The following RAB30 variants were observed in gnomAD, a reference collection of about 807,000 sequenced individuals.
The protein encoded by RAB30 is RAB30, member RAS oncogene family, also known as ras-related protein Rab-30.
Under a neutral mutation model 25.1 loss-of-function variants are expected in RAB30, and 9 were observed. That is an observed-to-expected ratio of 0.36 (90% CI 0.22 to 0.63). RAB30 has a LOEUF of 0.63. RAB30 is among the 20% of genes least tolerant of loss of function. The pLI is 0.69. For synonymous variants in RAB30, 77 were observed against 86.4 expected, an observed-to-expected ratio of 0.89 and a Z score of 0.60; for missense variants, 140 against 243.5, an observed-to-expected ratio of 0.58 and a Z score of 2.83.
intron 1 of RAB30, among the ~76,000 whole-genome samples, chr11:83,060,701 C>T (rs1270943115): frequency 6.6e-6 from 1 of 152,154 alleles, no homozygotes; most frequent in Admixed American, 6.6e-5. Context: ...GGCAAGGGTA[C>T]TGTGGTGGTT....
rs1278781199 is a variant in RAB30, at chr11:82,975,283, A to T, written c.*6882T>A. On this transcript the variant is annotated 3_prime_UTR_variant, in exon 5 of 5. Coordinates refer to ENST00000527633, the MANE Select transcript of RAB30 (RefSeq NM_001286060.2). ...TGCTAATGATTACATTCCAGAAAGCAATATGTTTAGCAGCTGTTTTTCAAA... is the reference window on the plus strand; with the variant it reads ...TGCTAATGATTACATTCCAGAAAGCTATATGTTTAGCAGCTGTTTTTCAAA... 1 of 152,216 alleles carries T rather than the reference A, an allele frequency of 6.6e-6. No individual in the cohort carries two copies. The highest frequency in any genetic ancestry group is 1.5e-5 in the Non-Finnish European group (1 of 68,012). 9.4% of individuals were successfully genotyped at this position (152,216 alleles called of 1,614,324 possible).
chr11:82,995,376 A>G (rs1430636966), intron 2 of RAB30, among the ~76,000 whole-genome samples: 1 of 152,192 alleles, frequency 6.6e-6, no homozygotes, highest in Non-Finnish European at 1.5e-5. Context: ...CTCAGATACA[A>G]AAGCTGTCAA....
chr11:83,006,918 A>G (rs1161668958), intron 1 of RAB30, among the ~76,000 whole-genome samples: 1 of 152,236 alleles, frequency 6.6e-6, no homozygotes, highest in Non-Finnish European at 1.5e-5. Flanking sequence ...TATCCACAGT[A>G]TGGCAGCCAA....
At chr11:83,065,057 C>A (rs955188763) in intron 1 of RAB30, among the ~76,000 whole-genome samples, 1 of 152,246 alleles carries the variant, frequency 6.6e-6, no homozygotes. Flanking sequence ...GTATGTCCCA[C>A]AATCTGGATT....
intron 1 of RAB30, among the ~76,000 whole-genome samples, chr11:83,016,106 C>G (rs1857430907): frequency 6.6e-6 from 1 of 152,156 alleles, no homozygotes; most frequent in South Asian, 2.1e-4. Flanking sequence ...CCACTGTACT[C>G]CAGCCTGGGC....
intron 1 of RAB30, among the ~76,000 whole-genome samples, chr11:83,030,950 G>A (rs1857843307): frequency 6.6e-6 from 1 of 152,244 alleles, no homozygotes; most frequent in South Asian, 2.1e-4. Flanking sequence ...GTTAAAATGA[G>A]ATTGTTAGGG....
At position 82,977,877 on chromosome 11, in the gene RAB30, T is replaced by C. The variant is rs575658818; in HGVS notation, c.*4288A>G. 5.9e-5 allele frequency: 9 copies of C among 152,314 alleles called. No homozygotes were observed. The highest frequency in any genetic ancestry group is 3.4e-3 in the Middle Eastern group (1 of 294). 9.4% of individuals were successfully genotyped at this position (152,314 alleles called of 1,614,324 possible). A position where few individuals can be genotyped will look rare whatever the true frequency, so the allele number is the denominator to read the frequency against. On this transcript the variant is annotated 3_prime_UTR_variant, in exon 5 of 5. Coordinates refer to ENST00000527633, the MANE Select transcript of RAB30 (RefSeq NM_001286060.2). ...TTACTCTAATGTTGCTATATTAATA[T>C]GTGTTTTGAAGGGATGATAATTTCT... is the stretch of plus-strand genomic sequence containing the variant.
At chr11:82,986,064 C>CT (rs1161882345) in intron 4 of RAB30, among the ~76,000 whole-genome samples, 4 of 152,066 alleles carry the variant, frequency 2.6e-5, no homozygotes, top group African/African-American at 9.7e-5. Flanking sequence ...TGAACACTGT[C>CT]TAAGTTTTTA....
At chr11:82,992,503 A>G (rs1039533020) in intron 3 of RAB30, 2 of 407,506 alleles carry the variant, frequency 4.9e-6, no homozygotes, top group African/African-American at 4.1e-5. Context: ...GCTGAAGAGC[A>G]TTATGGAGCT....
intron 4 of RAB30, among the ~76,000 whole-genome samples, chr11:82,983,473 CAGGCTGGAGGGCAG>C (rs1308364268): frequency 6.6e-6 from 1 of 152,130 alleles, no homozygotes; most frequent in Non-Finnish European, 1.5e-5. Context: ...CTCTATTGCC[CAGGCTGGAGGGCAG>C]TGGCGCGATC....
intron 1 of RAB30, among the ~76,000 whole-genome samples, chr11:83,050,000 A>G (rs1858321835): frequency 6.6e-6 from 1 of 152,134 alleles, no homozygotes; most frequent in Non-Finnish European, 1.5e-5. Flanking sequence ...GCTCATGCCT[A>G]TAATCCCAGT....
intron 1 of RAB30, among the ~76,000 whole-genome samples, chr11:83,024,110 T>C (rs1438608689): frequency 5.3e-5 from 8 of 152,208 alleles, no homozygotes; most frequent in Admixed American, 4.6e-4. Flanking sequence ...TGCTTTGCCT[T>C]TCTGATGCCC....
chr11:83,042,029 CAAAAAAA>C (rs61607477), intron 1 of RAB30, among the ~76,000 whole-genome samples: 2 of 95,136 alleles, frequency 2.1e-5, no homozygotes, highest in African/African-American at 4.7e-5. Context: ...GACTCTGTCT[CAAAAAAA>C]AAAAAAAAAA....
chr11:83,042,174 C>T (rs1858134241), intron 1 of RAB30, among the ~76,000 whole-genome samples: 1 of 152,098 alleles, frequency 6.6e-6, no homozygotes, highest in Non-Finnish European at 1.5e-5. Flanking sequence ...CCCCATAGCA[C>T]TAAATCAGAC....
Position 82,993,233 on chromosome 11 carries a change from A to G in RAB30, c.177+806T>C, listed in dbSNP as rs571385686. Among the ~76,000 whole-genome samples the G allele has an allele frequency of 3.9e-5, 6 of 151,982 alleles. No homozygotes were observed. In the East Asian group the frequency reaches 1.2e-3, roughly 29 times the overall value. ...CCCTTCTTCTTTCATGGCAGAGGAGACCCCAGAAAGGCAGTGGGGTGTACT... is the reference window on the plus strand; with the variant it reads ...CCCTTCTTCTTTCATGGCAGAGGAGGCCCCAGAAAGGCAGTGGGGTGTACT... On this transcript the variant is annotated intron_variant, in intron 3 of 4. Coordinates refer to ENST00000527633, the MANE Select transcript of RAB30 (RefSeq NM_001286060.2).
intron 4 of RAB30, among the ~76,000 whole-genome samples, chr11:82,984,004 A>C (rs1380439879): frequency 6.6e-6 from 1 of 152,232 alleles, no homozygotes; most frequent in Non-Finnish European, 1.5e-5. Flanking sequence ...TAATGTGGTT[A>C]AGTAAAATTT....
Position 83,012,875 on chromosome 11 carries a change from C to G in RAB30, c.-8-15551G>C, listed in dbSNP as rs998179527. ...TACCGCTATGATCACGCAGTCTTGC[C>G]AAGTTCCCAGAGCATGGGCCCCTAG... On this transcript the variant is annotated intron_variant, in intron 1 of 4. Coordinates refer to ENST00000527633, the MANE Select transcript of RAB30 (RefSeq NM_001286060.2). Among the ~76,000 whole-genome samples, 15 of 152,214 alleles carry G rather than the reference C, an allele frequency of 9.9e-5. No homozygotes were observed. In the East Asian group the frequency reaches 2.9e-3, roughly 29 times the overall value.
intron 1 of RAB30, among the ~76,000 whole-genome samples, chr11:83,068,758 C>A (rs1214584727): frequency 6.6e-6 from 1 of 152,184 alleles, no homozygotes; most frequent in African/African-American, 2.4e-5. Flanking sequence ...CCACTGCCAT[C>A]CTGAATTACT....
intron 4 of RAB30, among the ~76,000 whole-genome samples, chr11:82,983,138 ATATAT>A (rs1292449246): frequency 6.6e-6 from 1 of 152,142 alleles, no homozygotes; most frequent in Non-Finnish European, 1.5e-5. Context: ...ATATGAATAC[ATATAT>A]TATACACACA....
Sources: allele counts gnomAD v4.1 joint callset (sites outside exome capture counted in the v4.1 genomes callset), GRCh38; gene constraint gnomAD v4.1.1; transcripts MANE v1.5; gene names NCBI Gene and HGNC (gene_info 2026-07-23, HGNC 2026-07-21).